Variants in TPI1 observed in about 807,000 individuals in gnomAD.
TPI1 encodes the protein triosephosphate isomerase 1, also known as triosephosphate isomerase.
TPI1 carries 11 observed loss-of-function variants against 31.0 expected under a neutral mutation model. The ratio of observed to expected loss-of-function variants is 0.36; its 90% CI spans 0.22 to 0.59. TPI1 has a LOEUF of 0.59. TPI1 is among the 20% of genes least tolerant of loss of function. TPI1 has a pLI of 0.79. For synonymous variants in TPI1, 121 were observed against 122.8 expected (o/e 0.99, Z 0.10); for missense variants, 245 against 319.7 (o/e 0.77, Z 1.78).
chr12:6,867,656 C>T lies in TPI1; in HGVS notation c.90C>T (p.Asn30=), dbSNP rs372736626. The T allele has an allele frequency of 6.2e-7, 1 of 1,610,666 alleles. No individual in the cohort carries two copies. The highest frequency in any genetic ancestry group is 1.3e-5 in the African/African-American group (1 of 74,560). ...QSLGELIGTL[N]AAKVPADTEV... Reference sequence around the variant, plus strand: ...TGGGGGAGCTCATCGGCACTCTGAACGCGGCCAAGGTGCCGGCCGACACCG... The same window carrying T: ...TGGGGGAGCTCATCGGCACTCTGAATGCGGCCAAGGTGCCGGCCGACACCG... The change falls in exon 1 of 7, where the codon AAC becomes AAT. Residue 30 remains asparagine (N), a synonymous_variant. Coordinates refer to ENST00000396705, the MANE Select transcript of TPI1 (RefSeq NM_000365.6).
In TPI1 at chr12:6,867,986, G is replaced by T. The variant is rs11064434; in HGVS notation, c.115+305G>T. On this transcript the variant is annotated intron_variant, in intron 1 of 6. Coordinates refer to ENST00000396705, the MANE Select transcript of TPI1 (RefSeq NM_000365.6). ...CTGGGGCTGTGCCCGCCAGGCGACG[G>T]GGTTAGGAGCGGAGCCCGAGGCTCT... 6,300 of 1,061,312 alleles carry T rather than the reference G, an allele frequency of 5.9e-3. 659 individuals are homozygous for T. The East Asian group carries it at 0.22, about 37-fold the overall frequency. The allele number at this position is 1,061,312 out of a possible 1,614,324, so 65.7% of individuals were successfully genotyped here. A position where few individuals can be genotyped will look rare whatever the true frequency, so the allele number is the denominator to read the frequency against.
chr12:6,868,336 C>T (rs1329587674), intron 1 of TPI1: 4 of 1,287,828 alleles, frequency 3.1e-6, no homozygotes, highest in East Asian at 1.1e-4. Flanking sequence ...CTCTGCCACC[C>T]ACGGGCAAAG....
At chr12:6,869,443 A>T in intron 4 of TPI1, 53 bp downstream of exon 4, 11 of 1,612,020 alleles carry the variant, frequency 6.8e-6, no homozygotes, top group Non-Finnish European at 9.3e-6. Flanking sequence ...AGAGACTCAG[A>T]GGGTAGGGTC....
chr12:6,870,493 C>T lies in TPI1; in HGVS notation c.*110C>T. ...CTTCTGATGGTGTCATCTGCTCCTT[C>T]CTGTGGCCTCATCCAAACTGTATCT... On this transcript the variant is annotated 3_prime_UTR_variant, in exon 7 of 7. Coordinates refer to ENST00000396705, the MANE Select transcript of TPI1 (RefSeq NM_000365.6). 1 of 865,740 alleles carries T rather than the reference C, an allele frequency of 1.2e-6. No individual in the cohort carries two copies. Among genetic ancestry groups the T allele is most frequent in the Non-Finnish European group, 2.0e-6 (1 of 497,800 alleles). The allele number at this position is 865,740 out of a possible 1,614,324, so 53.6% of individuals were successfully genotyped here. A position where few individuals can be genotyped will look rare whatever the true frequency, so the allele number is the denominator to read the frequency against.
chr12:6,870,011 G>A (rs1944551489), intron 5 of TPI1, 38 bp from the exon 6 acceptor site: 2 of 1,608,178 alleles, frequency 1.2e-6, no homozygotes, highest in African/African-American at 1.3e-5. Flanking sequence ...TCTTAGAGAG[G>A]CAGAAAAGGT....
At chr12:6,869,895 A>G in intron 5 of TPI1, 122 bp downstream of exon 5, 2 of 1,418,556 alleles carry the variant, frequency 1.4e-6, no homozygotes, top group Non-Finnish European at 2.0e-6. Context: ...AGAGACAGTG[A>G]CTTGTCCAAG....
intron 2 of TPI1, 31 bp from the exon 3 acceptor site, chr12:6,869,067 CT>C: frequency 6.2e-7 from 1 of 1,614,164 alleles, no homozygotes; most frequent in Non-Finnish European, 8.5e-7. Flanking sequence ...GGTGGGCTCC[CT>C]GCTGAACCTT....
In TPI1 at chr12:6,868,849, C is replaced by T. The variant is rs372024784; in HGVS notation, c.116-15C>T. ...TCTTTAGTCTCATCCCCCTGTGGTA[C>T]CATCTTGTCCTCAGAGGTGGTTTGT... On this transcript the variant is annotated splice_polypyrimidine_tract_variant and intron_variant, in intron 1 of 6. Coordinates refer to ENST00000396705, the MANE Select transcript of TPI1 (RefSeq NM_000365.6). 5 of 1,610,248 alleles carry T rather than the reference C, an allele frequency of 3.1e-6. No homozygotes were observed. In the African/African-American group the frequency reaches 6.7e-5, roughly 22 times the overall value.
chr12:6,869,933 T>C (rs1381251166), intron 5 of TPI1, 116 bp from the exon 6 acceptor site: 6 of 1,411,094 alleles, frequency 4.3e-6, no homozygotes, highest in Non-Finnish European at 6.0e-6. Flanking sequence ...CTGGCTTGGA[T>C]CAGAGCCCTG....
rs72661109 is a variant in TPI1 at position 6,870,035 on chromosome 12, G to A, written c.544-14G>A. 5.9e-3 allele frequency: 9,493 copies of A among 1,613,004 alleles called. 421 individuals are homozygous for A. In the Admixed American group the frequency reaches 0.099, roughly 17 times the overall value. ...GGCAGAAAAGGTCTTACTTAGGCCAGCTTCTTGTTCTAGGCCCAGGAAGTA... is the reference window on the plus strand; with the variant it reads ...GGCAGAAAAGGTCTTACTTAGGCCAACTTCTTGTTCTAGGCCCAGGAAGTA... On this transcript the variant is annotated splice_polypyrimidine_tract_variant and intron_variant, in intron 5 of 6. Coordinates refer to ENST00000396705, the MANE Select transcript of TPI1 (RefSeq NM_000365.6).
upstream of TPI1, chr12:6,867,464 G>C: frequency 4.6e-6 from 7 of 1,525,214 alleles, 1 homozygote; most frequent in South Asian, 8.7e-5. Flanking sequence ...CCATGGCGGA[G>C]GACGGCGAGG....
At position 6,867,694 on chromosome 12, in the gene TPI1, CG is replaced by C. The variant is rs1944487416; in HGVS notation, c.115+14del. 6.2e-7 allele frequency: 1 copy of C among 1,600,908 alleles called. No individual in the cohort carries two copies. The highest frequency in any genetic ancestry group is 1.4e-5 in the African/African-American group (1 of 73,758). Reference sequence around the variant, plus strand: ...CCGGCCGACACCGGTAAGCCCTCGCCGAGGAGGGGTCTGGCCGGGCCGGGGC... The same window carrying C: ...CCGGCCGACACCGGTAAGCCCTCGCCAGGAGGGGTCTGGCCGGGCCGGGGC... On this transcript the variant is annotated intron_variant, in intron 1 of 6. Transcript: ENST00000396705.
Position 6,869,773 on chromosome 12 carries a change from G to C in TPI1, c.543G>C (p.Gln181His). The C allele has an allele frequency of 6.2e-7, 1 of 1,614,168 alleles. No individual in the cohort carries two copies. The highest frequency in any genetic ancestry group is 1.6e-4 in the Middle Eastern group (1 of 6,062). Residue 181 changes from glutamine to histidine, a missense_variant and splice_region_variant, in exon 5 of 7, where the codon CAG becomes CAC. By Grantham distance (24) the Gln-to-His change is conservative. Around this residue, in one of 3 missense-constraint regions of TPI1, gnomAD observed 127 missense variants for 163.7 expected, o/e 0.78. Transcript: ENST00000396705. ...IGTGKTATPQQAQEVHEKLRG... is the reference protein window; with the variant it reads ...IGTGKTATPQHAQEVHEKLRG... ...CTGGCAAGACTGCAACACCCCAACA[G>C]GTAACCGGGCCCAGGAGCCCTGCCC...
rs1944552723 is a variant in TPI1, at chr12:6,870,051, C to G, written c.546C>G (p.Ala182=). 6.2e-7 allele frequency: 1 copy of G among 1,614,142 alleles called. No homozygotes were observed. The highest frequency in any genetic ancestry group is 8.5e-7 in the Non-Finnish European group (1 of 1,180,020). ...CTTAGGCCAGCTTCTTGTTCTAGGC[C>G]CAGGAAGTACACGAGAAGCTCCGAG... ...GTGKTATPQQ[A]QEVHEKLRGW... Residue 182 remains alanine (A), a splice_region_variant and synonymous_variant, in exon 6 of 7, where the codon GCC becomes GCG. Coordinates refer to ENST00000396705, the MANE Select transcript of TPI1 (RefSeq NM_000365.6).
intron 6 of TPI1, 58 bp downstream of exon 6, chr12:6,870,194 C>A: frequency 1.2e-6 from 2 of 1,601,212 alleles, no homozygotes. Context: ...ACTGAGCCCT[C>A]GGACATGGAG....
chr12:6,869,645 T>G, intron 4 of TPI1, 43 bp from the exon 5 acceptor site: 2 of 1,609,616 alleles, frequency 1.2e-6, no homozygotes, highest in South Asian at 1.1e-5. Context: ...TGGAGAGCTC[T>G]TTCTTGTTCA....
chr12:6,868,253 G>C (rs1473122907), intron 1 of TPI1: 71 of 1,287,530 alleles, frequency 5.5e-5, no homozygotes, highest in Non-Finnish European at 6.8e-5. Flanking sequence ...GAGCGATTTG[G>C]GAGTGAGGAG....
At chr12:6,869,620 T>G in intron 4 of TPI1, 68 bp from the exon 5 acceptor site, 1 of 1,584,962 alleles carries the variant, frequency 6.3e-7, no homozygotes, top group Non-Finnish European at 8.7e-7. Flanking sequence ...TTCTTCGTAC[T>G]CCGGAGAACC....
chr12:6,869,551 C>A, intron 4 of TPI1, 137 bp from the exon 5 acceptor site: 1 of 1,471,918 alleles, frequency 6.8e-7, no homozygotes, highest in South Asian at 1.1e-5. Flanking sequence ...CTTCTCCAGC[C>A]CCAAGGTAGA....
Sources: allele counts gnomAD v4.1 joint callset, GRCh38; gene constraint gnomAD v4.1.1; regional missense constraint gnomAD v4.1.1; transcripts MANE v1.5; gene names NCBI Gene and HGNC (gene_info 2026-07-23, HGNC 2026-07-21).